The following MRRF variants were observed in gnomAD, a reference collection of about 807,000 sequenced individuals.
MRRF encodes the protein mitochondrial ribosome recycling factor.
A neutral mutation model predicts 25.1 loss-of-function variants in MRRF; 18 were observed. The observed-to-expected ratio is 0.72, with a 90% confidence interval of 0.50 to 1.06. The LOEUF (loss-of-function observed/expected upper bound fraction) is 1.06. MRRF is among the 50% of genes least tolerant of loss of function. The pLI, the probability that MRRF is intolerant of heterozygous loss-of-function variation, is 0.00. For missense variants in MRRF, 323 were observed against 319.3 expected (o/e 1.01, Z -0.09); for synonymous variants, 113 against 112.1 (o/e 1.01, Z -0.05).
At chr9:122,302,771 T>C (rs757148078) in intron 5 of MRRF, among the ~76,000 whole-genome samples, 2 of 152,352 alleles carry the variant, frequency 1.3e-5, no homozygotes, top group South Asian at 2.1e-4. Flanking sequence ...GGTAACTCCA[T>C]GTTTAACTTT....
chr9:122,270,733 A>T (rs879085195), intron 1 of MRRF, 131 bp from the exon 2 acceptor site: 1 of 718,086 alleles, frequency 1.4e-6, no homozygotes, highest in Non-Finnish European at 2.5e-6. Flanking sequence ...ATTAGAGATA[A>T]TGTATTTAAA....
intron 2 of MRRF, among the ~76,000 whole-genome samples, chr9:122,273,683 A>G (rs1363440597): frequency 6.6e-6 from 1 of 152,110 alleles, no homozygotes; most frequent in Non-Finnish European, 1.5e-5. Context: ...TGTTTTCCAA[A>G]CTTACCACAT....
At chr9:122,306,225 C>G (rs1834835398) in intron 5 of MRRF, among the ~76,000 whole-genome samples, 1 of 152,198 alleles carries the variant, frequency 6.6e-6, no homozygotes, top group South Asian at 2.1e-4. Flanking sequence ...GCTGTCTTCT[C>G]TCATTTGCTC....
chr9:122,274,017 C>T (rs1832624942), intron 2 of MRRF, among the ~76,000 whole-genome samples: 1 of 152,098 alleles, frequency 6.6e-6, no homozygotes, highest in South Asian at 2.1e-4. Context: ...TTGTGGTGCA[C>T]ATATGTCCCT....
chr9:122,312,289 G>A (rs1233381508), intron 5 of MRRF, among the ~76,000 whole-genome samples: 1 of 152,174 alleles, frequency 6.6e-6, no homozygotes, highest in Non-Finnish European at 1.5e-5. Context: ...TACTCATGTG[G>A]CATAGAACGG....
At chr9:122,291,647 GT>G in intron 4 of MRRF, 101 bp from the exon 5 acceptor site, 1 of 840,104 alleles carries the variant, frequency 1.2e-6, no homozygotes, top group Non-Finnish European at 2.1e-6. Flanking sequence ...AGAACTAAAT[GT>G]TTCCATGTTC....
At chr9:122,300,502 G>A (rs1002236529) in intron 5 of MRRF, among the ~76,000 whole-genome samples, 2 of 152,174 alleles carry the variant, frequency 1.3e-5, no homozygotes, top group Non-Finnish European at 2.9e-5. Context: ...CATATCATAG[G>A]TACTTAAATT....
At chr9:122,290,514 C>T (rs1343656544) in intron 4 of MRRF, among the ~76,000 whole-genome samples, 5 of 152,042 alleles carry the variant, frequency 3.3e-5, no homozygotes, top group African/African-American at 9.7e-5. Context: ...CTCAGGTAGC[C>T]GTAGCAGTAA....
intron 5 of MRRF, among the ~76,000 whole-genome samples, chr9:122,297,003 T>A (rs1834130215): frequency 6.6e-6 from 1 of 152,186 alleles, no homozygotes; most frequent in Non-Finnish European, 1.5e-5. Flanking sequence ...GGTTTTATTT[T>A]AAATAAAATT....
chr9:122,301,014 A>C (rs1834414088), intron 5 of MRRF, among the ~76,000 whole-genome samples: 1 of 152,156 alleles, frequency 6.6e-6, no homozygotes, highest in Admixed American at 6.5e-5. Flanking sequence ...AAGCTTCAAG[A>C]TCGTTAGATA....
chr9:122,266,055 G>C (rs1832061946), intron 1 of MRRF, among the ~76,000 whole-genome samples: 1 of 152,206 alleles, frequency 6.6e-6, no homozygotes, highest in Non-Finnish European at 1.5e-5. Context: ...ATCCGATTCT[G>C]GTTTACCCTG....
intron 1 of MRRF, chr9:122,265,652 T>C: frequency 1.3e-6 from 1 of 747,174 alleles, no homozygotes; most frequent in East Asian, 6.4e-5. Context: ...CTTCATTTTA[T>C]GGTTGAAACA....
In MRRF at chr9:122,280,316, C is replaced by T. The variant is rs79716017; in HGVS notation, c.185-127C>T. 1,445 of 1,007,400 alleles carry T rather than the reference C, an allele frequency of 1.4e-3. 16 individuals carry two copies. In the African/African-American group the frequency reaches 0.02, roughly 14 times the overall value. 62.4% of individuals were successfully genotyped at this position (1,007,400 alleles called of 1,614,324 possible). A position where few individuals can be genotyped will look rare whatever the true frequency, so the allele number is the denominator to read the frequency against. Reference sequence around the variant, plus strand: ...TAATATAGGCTCTTTTTTAGTGGAGCGATAATGTTTTATAATTTTCTAACA... The same window carrying T: ...TAATATAGGCTCTTTTTTAGTGGAGTGATAATGTTTTATAATTTTCTAACA... On this transcript the variant is annotated intron_variant, in intron 2 of 6. Transcript: ENST00000344641.
At chr9:122,298,305 A>C (rs756698557) in intron 5 of MRRF, among the ~76,000 whole-genome samples, 1 of 152,236 alleles carries the variant, frequency 6.6e-6, no homozygotes, top group Non-Finnish European at 1.5e-5. Flanking sequence ...CAGGATGCCT[A>C]ATCTCACAGT....
intron 5 of MRRF, among the ~76,000 whole-genome samples, chr9:122,295,910 T>A (rs950311734): frequency 6.6e-6 from 1 of 152,228 alleles, no homozygotes; most frequent in African/African-American, 2.4e-5. Context: ...TTGAAGCAGA[T>A]CTCACCTATT....
At chr9:122,295,429 C>G (rs936218004) in intron 5 of MRRF, among the ~76,000 whole-genome samples, 3 of 150,514 alleles carry the variant, frequency 2.0e-5, no homozygotes, top group African/African-American at 7.3e-5. Flanking sequence ...AGGAAGCATA[C>G]ATTCTTAAGA....
Position 122,323,048 on chromosome 9 carries a change from T to C in MRRF, c.*431T>C. 4.4e-6 allele frequency: 1 copy of C among 226,316 alleles called. No homozygotes were observed. The highest frequency in any genetic ancestry group is 9.0e-6 in the Non-Finnish European group (1 of 111,496). The allele number at this position is 226,316 out of a possible 1,614,324, so 14.0% of individuals were successfully genotyped here. A position where few individuals can be genotyped will look rare whatever the true frequency, so the allele number is the denominator to read the frequency against. On this transcript the variant is annotated 3_prime_UTR_variant, in exon 7 of 7. Coordinates refer to ENST00000344641, the MANE Select transcript of MRRF (RefSeq NM_138777.5). The stretch of plus-strand genomic sequence containing the variant: ...GGCCCATTTTCACTAAACAATAAAA[T>C]CTAAATAAATTGGAAGGAATAACAA...
chr9:122,279,844 A>G (rs1273627151), intron 2 of MRRF, among the ~76,000 whole-genome samples: 1 of 152,212 alleles, frequency 6.6e-6, no homozygotes, highest in African/African-American at 2.4e-5. Context: ...TCCATTTTTA[A>G]TGAATTAATG....
intron 5 of MRRF, among the ~76,000 whole-genome samples, chr9:122,309,048 TTCCCC>T (rs747181064): frequency 3.9e-4 from 60 of 152,298 alleles, no homozygotes; most frequent in Admixed American, 6.5e-4. Context: ...CACTTACCTC[TTCCCC>T]CAGCCCCTGG....
Sources: gnomAD v4.1 joint callset for allele counts (sites outside exome capture counted in the v4.1 genomes callset) on GRCh38, gnomAD v4.1.1 for gene constraint, MANE v1.5 for transcripts, NCBI Gene and HGNC (gene_info 2026-07-23, HGNC 2026-07-21) for gene names.